The following CSMD1 variants were observed in gnomAD, a reference collection of about 807,000 sequenced individuals.
CSMD1 encodes the protein CUB and sushi domain-containing protein 1.
CSMD1 carries 213 observed loss-of-function variants against 417.5 expected under a neutral mutation model. The observed-to-expected ratio is 0.51, with a 90% CI of 0.46 to 0.57. The LOEUF is 0.57. CSMD1 is among the 20% of genes least tolerant of loss of function. The pLI, the probability that CSMD1 is intolerant of heterozygous loss-of-function variation, is 0.00. For missense variants in CSMD1, 6,923 were observed against 4,529.7 expected, an observed-to-expected ratio of 1.53 and a Z score of -15.17; for synonymous variants, 2,862 against 1,736.8, an observed-to-expected ratio of 1.65 and a Z score of -16.11.
intron 12 of CSMD1, among the ~76,000 whole-genome samples, chr8:3,441,636 C>G (rs1198782723): frequency 1.3e-5 from 2 of 151,834 alleles, no homozygotes; most frequent in East Asian, 3.9e-4. Flanking sequence ...ACATAGTAGC[C>G]ATTGATCATA....
intron 7 of CSMD1, among the ~76,000 whole-genome samples, chr8:3,706,479 T>C (rs1309265371): frequency 6.6e-6 from 1 of 152,236 alleles, no homozygotes; most frequent in African/African-American, 2.4e-5. Flanking sequence ...TAATGATTAA[T>C]TCCCATGCTT....
chr8:3,809,798 G>T (rs986838265), intron 5 of CSMD1, among the ~76,000 whole-genome samples: 2 of 152,068 alleles, frequency 1.3e-5, no homozygotes, highest in African/African-American at 2.4e-5. Context: ...ATGTCATTAG[G>T]AGAAAATGCA....
At chr8:3,700,980 G>C (rs1268831887) in intron 7 of CSMD1, among the ~76,000 whole-genome samples, 3 of 151,614 alleles carry the variant, frequency 2.0e-5, no homozygotes, top group Non-Finnish European at 4.4e-5. Flanking sequence ...GATGATACAG[G>C]TGAGGGGCGA....
At position 3,309,971 on chromosome 8, in the gene CSMD1, A is replaced by G. The variant is rs375174190; in HGVS notation, c.3632-1468T>C. On this transcript the variant is annotated intron_variant, in intron 23 of 69. Coordinates refer to ENST00000635120, the MANE Select transcript of CSMD1 (RefSeq NM_033225.6). ...AGAGTCAGTCTTTACCAACCATGAC[A>G]TTATTATTTTTACGATAACCCTGAT... is the stretch of plus-strand genomic sequence containing the variant. Among the ~76,000 whole-genome samples, 9 of 152,320 alleles carry G rather than the reference A, an allele frequency of 5.9e-5. No homozygotes were observed. The East Asian group carries it at 1.5e-3, about 26-fold the overall frequency.
intron 51 of CSMD1, among the ~76,000 whole-genome samples, chr8:3,025,843 T>C (rs1232364031): frequency 1.3e-5 from 2 of 152,264 alleles, no homozygotes; most frequent in Non-Finnish European, 2.9e-5. Context: ...TGATATGTTA[T>C]TTTAAATTAA....
intron 3 of CSMD1, among the ~76,000 whole-genome samples, chr8:4,225,035 C>A (rs770720807): frequency 1.3e-5 from 2 of 152,148 alleles, no homozygotes; most frequent in Admixed American, 1.3e-4. Context: ...TCGCTTGAAC[C>A]CTAGAGGCAG....
At chr8:3,369,925 A>G (rs1809842081) in intron 18 of CSMD1, among the ~76,000 whole-genome samples, 1 of 152,202 alleles carries the variant, frequency 6.6e-6, no homozygotes, top group African/African-American at 2.4e-5. Flanking sequence ...GATCTCTGGT[A>G]AGTCTCTCAA....
chr8:3,097,534 C>T (rs1393677755), intron 46 of CSMD1, among the ~76,000 whole-genome samples: 1 of 152,180 alleles, frequency 6.6e-6, no homozygotes, highest in Non-Finnish European at 1.5e-5. Context: ...AATCCTACGT[C>T]GTTTCTGGTG....
At chr8:3,829,439 C>G (rs1802244329) in intron 5 of CSMD1, among the ~76,000 whole-genome samples, 1 of 152,162 alleles carries the variant, frequency 6.6e-6, no homozygotes, top group Non-Finnish European at 1.5e-5. Flanking sequence ...ACCGGTTCCA[C>G]ATGAATTCAG....
At chr8:3,816,486 A>T (rs928070266) in intron 5 of CSMD1, among the ~76,000 whole-genome samples, 26 of 152,180 alleles carry the variant, frequency 1.7e-4, no homozygotes, top group African/African-American at 6.3e-4. Flanking sequence ...CGCTGTGCCT[A>T]ATTTATAAAT....
intron 10 of CSMD1, among the ~76,000 whole-genome samples, chr8:3,540,551 G>C (rs763007523): frequency 9.9e-5 from 15 of 152,100 alleles, no homozygotes; most frequent in Admixed American, 2.0e-4. Flanking sequence ...TTAAAGTAAA[G>C]AGCTTCTGCA....
At chr8:3,395,559 T>G (rs1811636353) in intron 17 of CSMD1, among the ~76,000 whole-genome samples, 2 of 152,206 alleles carry the variant, frequency 1.3e-5, no homozygotes, top group South Asian at 4.1e-4. Context: ...ACTTTCCATG[T>G]GGAAGTTTGG....
intron 52 of CSMD1, among the ~76,000 whole-genome samples, chr8:3,009,990 T>C (rs1410740643): frequency 6.6e-6 from 1 of 152,186 alleles, no homozygotes; most frequent in South Asian, 2.1e-4. Context: ...CTCAATGTAG[T>C]TCCTGAATAT....
intron 3 of CSMD1, among the ~76,000 whole-genome samples, chr8:4,338,917 ATAAAGT>A (rs1292743120): frequency 1.3e-5 from 2 of 152,134 alleles, no homozygotes; most frequent in East Asian, 1.9e-4. Context: ...GGCATGATAA[ATAAAGT>A]TAAAGTAAGG....
chr8:4,013,077 G>C (rs539535510), intron 4 of CSMD1, among the ~76,000 whole-genome samples: 1 of 152,200 alleles, frequency 6.6e-6, no homozygotes, highest in East Asian at 1.9e-4. Flanking sequence ...TAAGTAGCCA[G>C]AGTAATCCTC....
At chr8:4,426,603 C>G (rs1025444783) in intron 2 of CSMD1, among the ~76,000 whole-genome samples, 1 of 114,482 alleles carries the variant, frequency 8.7e-6, no homozygotes, top group African/African-American at 3.4e-5. Flanking sequence ...AGTATATATA[C>G]TATAAATTAT....
intron 3 of CSMD1, among the ~76,000 whole-genome samples, chr8:4,243,300 A>T (rs1004008551): frequency 2.0e-5 from 3 of 152,124 alleles, no homozygotes; most frequent in Non-Finnish European, 4.4e-5. Flanking sequence ...TTTCATGGTA[A>T]AGGCTCTTGG....
chr8:4,827,254 A>T (rs1563513756), intron 1 of CSMD1, among the ~76,000 whole-genome samples: 1 of 152,118 alleles, frequency 6.6e-6, no homozygotes, highest in Non-Finnish European at 1.5e-5. Flanking sequence ...ATCCAAATGA[A>T]TTTAAGGACT....
intron 3 of CSMD1, among the ~76,000 whole-genome samples, chr8:4,151,027 T>C (rs567320183): frequency 6.6e-6 from 1 of 152,160 alleles, no homozygotes; most frequent in African/African-American, 2.4e-5. Context: ...GTGTCCCATA[T>C]GCAGACGTAA....
Sources: gnomAD v4.1 joint callset for allele counts (sites outside exome capture counted in the v4.1 genomes callset) on GRCh38, gnomAD v4.1.1 for gene constraint, MANE v1.5 for transcripts, NCBI Gene and HGNC (gene_info 2026-07-23, HGNC 2026-07-21) for gene names.